The following FBXO36 variants were observed in gnomAD, a reference collection of about 807,000 sequenced individuals.
The protein encoded by FBXO36 is F-box only protein 36.
FBXO36 carries 18 observed loss-of-function variants against 17.0 expected under a neutral mutation model. The ratio of observed to expected loss-of-function variants is 1.06; its 90% CI spans 0.73 to 1.57. The LOEUF is 1.57. Ranked by LOEUF, FBXO36 falls within the 40% of genes most tolerant of loss-of-function variation. FBXO36 has a pLI of 0.00. For synonymous variants in FBXO36, 83 were observed against 85.3 expected, an observed-to-expected ratio of 0.97 and a Z score of 0.15; for missense variants, 229 against 221.9, an observed-to-expected ratio of 1.03 and a Z score of -0.20.
chr2:229,987,550 C>T (rs1404347658), intron 2 of FBXO36, among the ~76,000 whole-genome samples: 2 of 152,094 alleles, frequency 1.3e-5, no homozygotes, highest in South Asian at 2.1e-4. Context: ...TTCCTTTCTA[C>T]TACTTTCCTT....
chr2:229,950,030 T>C (rs1200980730), intron 1 of FBXO36, among the ~76,000 whole-genome samples: 2 of 152,234 alleles, frequency 1.3e-5, no homozygotes, highest in East Asian at 1.9e-4. Flanking sequence ...AAATTAATCA[T>C]AGCATGTAGC....
intron 2 of FBXO36, among the ~76,000 whole-genome samples, chr2:229,986,282 T>TC (rs1303680419): frequency 2.6e-5 from 4 of 152,052 alleles, no homozygotes; most frequent in Admixed American, 6.6e-5. Flanking sequence ...GGAGGATCAC[T>TC]TGAGCCCAAG....
At chr2:229,939,535 C>T (rs903674906) in intron 1 of FBXO36, among the ~76,000 whole-genome samples, 1 of 151,938 alleles carries the variant, frequency 6.6e-6, no homozygotes, top group Non-Finnish European at 1.5e-5. Flanking sequence ...CGCTTGAGCC[C>T]GGGAAGTGGA....
At chr2:230,004,614 C>T (rs535884475) in intron 3 of FBXO36, among the ~76,000 whole-genome samples, 89 of 152,176 alleles carry the variant, frequency 5.8e-4, no homozygotes, top group African/African-American at 2.0e-3. Flanking sequence ...GTACATATAC[C>T]GGTACACACA....
chr2:229,976,390 A>G (rs780468252), intron 2 of FBXO36, 41 bp downstream of exon 2: 12 of 1,343,952 alleles, frequency 8.9e-6, no homozygotes, highest in Non-Finnish European at 1.2e-5. Context: ...TTAAGTTCTC[A>G]TTAGTTAGTG....
chr2:229,995,592 C>CTTTTTTTTTTTTTTTTTTT (rs748422157), intron 2 of FBXO36, among the ~76,000 whole-genome samples: 5 of 114,550 alleles, frequency 4.4e-5, no homozygotes, highest in African/African-American at 1.3e-4. Context: ...CTCTTTCTTT[C>CTTTTTTTTTTTTTTTTTTT]TTTCTTTTTT....
chr2:230,010,701 C>T lies in FBXO36; in HGVS notation c.384C>T (p.Cys128=). 6.2e-7 allele frequency: 1 copy of T among 1,607,872 alleles called. No individual in the cohort carries two copies. The highest frequency in any genetic ancestry group is 8.5e-7 in the Non-Finnish European group (1 of 1,175,330). The part of the protein sequence containing the change: ...CQTSHRFAKL[C]MSDKLWEQIV... ...CTGACTTTTCCCACCCACAGCTGTG[C>T]ATGTCTGATAAACTGTGGGAACAGA... Residue 128 remains cysteine, a synonymous_variant, in exon 4 of 4, where the codon TGC becomes TGT. Coordinates refer to ENST00000283946, the MANE Select transcript of FBXO36 (RefSeq NM_174899.5).
intron 1 of FBXO36, among the ~76,000 whole-genome samples, chr2:229,959,861 AC>A (rs1323089794): frequency 4.6e-5 from 7 of 151,934 alleles, no homozygotes; most frequent in African/African-American, 1.7e-4. Flanking sequence ...AAAAAAGAAT[AC>A]TGCCAAAGTT....
At chr2:229,958,425 G>A (rs564845936) in intron 1 of FBXO36, among the ~76,000 whole-genome samples, 3 of 151,768 alleles carry the variant, frequency 2.0e-5, no homozygotes, top group East Asian at 1.9e-4. Context: ...CGCCCGCCAC[G>A]GCGCCCGGCT....
At chr2:229,947,814 A>T (rs1316344496) in intron 1 of FBXO36, among the ~76,000 whole-genome samples, 1 of 152,228 alleles carries the variant, frequency 6.6e-6, no homozygotes, top group Non-Finnish European at 1.5e-5. Flanking sequence ...AGATGATGAG[A>T]TCAGTTTTTT....
At chr2:229,941,036 C>T (rs1244831951) in intron 1 of FBXO36, among the ~76,000 whole-genome samples, 4 of 152,062 alleles carry the variant, frequency 2.6e-5, no homozygotes, top group African/African-American at 7.3e-5. Context: ...TTGGCACAAT[C>T]CCCCTGGCCT....
At chr2:229,992,444 G>A (rs1422582243) in intron 2 of FBXO36, among the ~76,000 whole-genome samples, 2 of 151,996 alleles carry the variant, frequency 1.3e-5, no homozygotes, top group Non-Finnish European at 2.9e-5. Context: ...AGGCATGAGC[G>A]ACCACACCTG....
intron 2 of FBXO36, among the ~76,000 whole-genome samples, chr2:229,993,776 T>C (rs1420111745): frequency 6.6e-6 from 1 of 152,098 alleles, no homozygotes; most frequent in African/African-American, 2.4e-5. Context: ...TATTTATTTA[T>C]TTATTTTTGG....
At chr2:229,955,190 C>T (rs2077080643) in intron 1 of FBXO36, among the ~76,000 whole-genome samples, 1 of 152,094 alleles carries the variant, frequency 6.6e-6, no homozygotes, top group South Asian at 2.1e-4. Context: ...ATCCCCTGCC[C>T]AGCACTTTTT....
intron 1 of FBXO36, 130 bp downstream of exon 1, chr2:229,922,739 G>A: frequency 1.1e-6 from 1 of 914,686 alleles, no homozygotes; most frequent in African/African-American, 1.7e-5. Context: ...GCTCCGCGCC[G>A]GGAGATTTTC....
At chr2:229,932,393 G>A (rs923642088) in intron 1 of FBXO36, among the ~76,000 whole-genome samples, 9 of 152,128 alleles carry the variant, frequency 5.9e-5, no homozygotes, top group Admixed American at 5.2e-4. Flanking sequence ...AGTGGTGGGT[G>A]CCTGTAATCC....
At chr2:229,974,560 A>T (rs2106193330) in intron 1 of FBXO36, among the ~76,000 whole-genome samples, 1 of 152,294 alleles carries the variant, frequency 6.6e-6, no homozygotes, top group African/African-American at 2.4e-5. Flanking sequence ...TTGTACAGGC[A>T]TCTCTCTGCC....
chr2:229,940,672 A>G (rs748422767), intron 1 of FBXO36, among the ~76,000 whole-genome samples: 1 of 152,188 alleles, frequency 6.6e-6, no homozygotes, highest in East Asian at 1.9e-4. Context: ...AGACACACAG[A>G]AAGCCATGTG....
intron 2 of FBXO36, among the ~76,000 whole-genome samples, chr2:229,984,684 A>C (rs149563569): frequency 6.8e-4 from 104 of 152,198 alleles, no homozygotes; most frequent in African/African-American, 2.1e-3. Flanking sequence ...CACCGCGCCC[A>C]GCCTAATCTT....
Sources: allele counts gnomAD v4.1 joint callset (sites outside exome capture counted in the v4.1 genomes callset), GRCh38; gene constraint gnomAD v4.1.1; transcripts MANE v1.5; gene names NCBI Gene and HGNC (gene_info 2026-07-23, HGNC 2026-07-21).